NLRP2B: variants seen among roughly 807,000 people sequenced by gnomAD.
The protein encoded by NLRP2B is NLR family pyrin domain containing 2B, also known as NLR family pyrin domain-containing protein 2B.
For missense variants in NLRP2B, 25 were observed against 6.8 expected (o/e 3.70, Z -3.00); for synonymous variants, 16 against 3.5 (o/e 4.63, Z -4.03).
At position 57,678,453 on chromosome X, in the gene NLRP2B, C is replaced by T. The variant is rs1050536331; in HGVS notation, c.*1670G>A. On this transcript the variant is annotated 3_prime_UTR_variant, in exon 1 of 1. Transcript: ENST00000434992. ...ACTCGTACAGACAGCACAAGAGCTC[C>T]TTCGGGTTCATCATTGTTGAGTGTC... 7 of 518,184 alleles carry T rather than the reference C, an allele frequency of 1.4e-5. No individual in the cohort carries two copies. Among genetic ancestry groups the T allele is most frequent in the Admixed American group, 1.1e-4 (4 of 37,788 alleles). The allele number at this position is 518,184 out of a possible 1,213,427, so 42.7% of individuals were successfully genotyped here.
In NLRP2B at chrX:57,678,994, C is replaced by T. The variant is rs1033909530; in HGVS notation, c.*1129G>A. On this transcript the variant is annotated 3_prime_UTR_variant, in exon 1 of 1. Transcript: ENST00000434992. ...GCCGCAAAGGAAGCGCAGGAACAGC[C>T]CCGTGCGGGTGGGGCGGGTCCTTCC... 1 of 454,353 alleles carries T rather than the reference C, an allele frequency of 2.2e-6. No homozygotes were observed. The highest frequency in any genetic ancestry group is 3.8e-6 in the Non-Finnish European group (1 of 262,770). The allele number at this position is 454,353 out of a possible 1,213,427, so 37.4% of individuals were successfully genotyped here. A position where few individuals can be genotyped will look rare whatever the true frequency, so the allele number is the denominator to read the frequency against.
chrX:57,679,605 G>A lies in NLRP2B; in HGVS notation c.*518C>T, dbSNP rs753768860. ...CCAGCATTAATTTCTTGGCCAGCGT[G>A]GTTTTCCCAAGGCCCGCAGGACCAT... On this transcript the variant is annotated 3_prime_UTR_variant, in exon 1 of 1. Coordinates refer to ENST00000434992, the MANE Select transcript of NLRP2B (RefSeq NM_001319967.1). 54 of 500,022 alleles carry A rather than the reference G, an allele frequency of 1.1e-4. No homozygotes were observed. Among genetic ancestry groups the A allele is most frequent in the Non-Finnish European group, 1.1e-5 (3 of 281,968 alleles). The allele number at this position is 500,022 out of a possible 1,213,427, so 41.2% of individuals were successfully genotyped here. A position where few individuals can be genotyped will look rare whatever the true frequency, so the allele number is the denominator to read the frequency against.
Position 57,677,947 on chromosome X carries a change from G to A in NLRP2B, c.*2176C>T. 2 of 472,254 alleles carry A rather than the reference G, an allele frequency of 4.2e-6. No homozygotes were observed. Among genetic ancestry groups the A allele is most frequent in the Non-Finnish European group, 7.8e-6 (2 of 256,068 alleles). The allele number at this position is 472,254 out of a possible 1,213,427, so 38.9% of individuals were successfully genotyped here. On this transcript the variant is annotated 3_prime_UTR_variant, in exon 1 of 1. Coordinates refer to ENST00000434992, the MANE Select transcript of NLRP2B (RefSeq NM_001319967.1). ...GTGTCTCAAGACCTTACACAATGCA[G>A]GAAGCATATCATTCTGGTCATTGCC...
In NLRP2B at chrX:57,678,693, G is replaced by GTCC. The variant is rs916975790; in HGVS notation, c.*1427_*1429dup. 1.6e-4 allele frequency: 62 copies of GTCC among 398,463 alleles called. No homozygotes were observed. The highest frequency in any genetic ancestry group is 2.0e-4 in the Non-Finnish European group (44 of 216,485). 32.8% of individuals were successfully genotyped at this position (398,463 alleles called of 1,213,427 possible). On this transcript the variant is annotated 3_prime_UTR_variant, in exon 1 of 1. Coordinates refer to ENST00000434992, the MANE Select transcript of NLRP2B (RefSeq NM_001319967.1). The stretch of plus-strand genomic sequence containing the variant: ...CATTGTCCCAGGCGTGGCCGTCCTT[G>GTCC]TCCTCCTCCTCCTCCTCCTCCTCCT...
Position 57,680,089 on chromosome X carries a change from T to C in NLRP2B, c.*34A>G. On this transcript the variant is annotated 3_prime_UTR_variant, in exon 1 of 1. Transcript: ENST00000434992. ...TAGCTGTGGCAATGGCTGGTGATGA[T>C]TTCTGCCAGTTGCTTCCCATCAGCC... 3 of 448,243 alleles carry C rather than the reference T, an allele frequency of 6.7e-6. No homozygotes were observed. Among genetic ancestry groups the C allele is most frequent in the Non-Finnish European group, 8.0e-6 (2 of 250,368 alleles). The allele number at this position is 448,243 out of a possible 1,213,427, so 36.9% of individuals were successfully genotyped here.
In NLRP2B at chrX:57,677,749, G is replaced by C. The variant is rs2011720401; in HGVS notation, c.*2374C>G. ...CAACAACCTCGGCAGGAAGCATTTT[G>C]GGTGTCTCAAAGTTGTGTACAGCAA... On this transcript the variant is annotated 3_prime_UTR_variant, in exon 1 of 1. Transcript: ENST00000434992. 1 of 417,593 alleles carries C rather than the reference G, an allele frequency of 2.4e-6. No homozygotes were observed. The highest frequency in any genetic ancestry group is 2.4e-5 in the African/African-American group (1 of 40,980). 34.4% of individuals were successfully genotyped at this position (417,593 alleles called of 1,213,427 possible).
rs775935836 is a variant in NLRP2B, at chrX:57,677,789, C to T, written c.*2334G>A. On this transcript the variant is annotated 3_prime_UTR_variant, in exon 1 of 1. Transcript: ENST00000434992. ...GTGTACAGCAACTTGGCACCCTCAT[C>T]CAAGAGCTCATTGTGAGAGAGGTTT... is the stretch of plus-strand genomic sequence containing the variant. 4.5e-6 allele frequency: 2 copies of T among 440,188 alleles called. No individual in the cohort carries two copies. Among genetic ancestry groups the T allele is most frequent in the East Asian group, 5.4e-5 (1 of 18,354 alleles). 36.3% of individuals were successfully genotyped at this position (440,188 alleles called of 1,213,427 possible).
In NLRP2B at chrX:57,677,832, G is replaced by T. The variant is rs188986221; in HGVS notation, c.*2291C>A. Reference sequence around the variant, plus strand: ...AGAGGTTTACACATGTCAGGGACTGGTTGACTTCAAGGGCCAAGGAGAGAT... The same window carrying T: ...AGAGGTTTACACATGTCAGGGACTGTTTGACTTCAAGGGCCAAGGAGAGAT... On this transcript the variant is annotated 3_prime_UTR_variant, in exon 1 of 1. Transcript: ENST00000434992. 3.4e-5 allele frequency: 15 copies of T among 436,860 alleles called. 1 individual carries two copies. The Middle Eastern group carries it at 1.2e-3, about 35-fold the overall frequency. The allele number at this position is 436,860 out of a possible 1,213,427, so 36.0% of individuals were successfully genotyped here. A position where few individuals can be genotyped will look rare whatever the true frequency, so the allele number is the denominator to read the frequency against.
chrX:57,677,819 A>C lies in NLRP2B; in HGVS notation c.*2304T>G, dbSNP rs1602999108. ...AGCTCATTGTGAGAGAGGTTTACACATGTCAGGGACTGGTTGACTTCAAGG... is the reference window on the plus strand; with the variant it reads ...AGCTCATTGTGAGAGAGGTTTACACCTGTCAGGGACTGGTTGACTTCAAGG... On this transcript the variant is annotated 3_prime_UTR_variant, in exon 1 of 1. Transcript: ENST00000434992. The C allele has an allele frequency of 4.5e-6, 2 of 443,328 alleles. No homozygotes were observed. Among genetic ancestry groups the C allele is most frequent in the Admixed American group, 5.0e-5 (2 of 39,697 alleles). 36.5% of individuals were successfully genotyped at this position (443,328 alleles called of 1,213,427 possible).
Position 57,677,715 on chromosome X carries a change from G to T in NLRP2B, c.*2408C>A. The T allele has an allele frequency of 2.6e-6, 1 of 377,811 alleles. No individual in the cohort carries two copies. The highest frequency in any genetic ancestry group is 5.1e-6 in the Non-Finnish European group (1 of 196,933). The allele number at this position is 377,811 out of a possible 1,213,427, so 31.1% of individuals were successfully genotyped here. A position where few individuals can be genotyped will look rare whatever the true frequency, so the allele number is the denominator to read the frequency against. On this transcript the variant is annotated 3_prime_UTR_variant, in exon 1 of 1. Coordinates refer to ENST00000434992, the MANE Select transcript of NLRP2B (RefSeq NM_001319967.1). The stretch of plus-strand genomic sequence containing the variant: ...TGCAATTGCCTTCTATAAAGTGACA[G>T]TTTTCCAACAACAACCTCGGCAGGA...
Position 57,678,247 on chromosome X carries a change from T to C in NLRP2B, c.*1876A>G. The C allele has an allele frequency of 1.9e-6, 1 of 537,911 alleles. No homozygotes were observed. 44.3% of individuals were successfully genotyped at this position (537,911 alleles called of 1,213,427 possible). On this transcript the variant is annotated 3_prime_UTR_variant, in exon 1 of 1. Coordinates refer to ENST00000434992, the MANE Select transcript of NLRP2B (RefSeq NM_001319967.1). The stretch of plus-strand genomic sequence containing the variant: ...ATCCTGGGATCTCTCAACTTCAGCA[T>C]CTGATTCAGACACAGTGACATTCTC...
In NLRP2B at chrX:57,678,969, G is replaced by A; in HGVS notation, c.*1154C>T. On this transcript the variant is annotated 3_prime_UTR_variant, in exon 1 of 1. Transcript: ENST00000434992. ...AGAGCTGTGCGCCCTGCGGGAACCGGCCGCAAAGGAAGCGCAGGAACAGCC... is the reference window on the plus strand; with the variant it reads ...AGAGCTGTGCGCCCTGCGGGAACCGACCGCAAAGGAAGCGCAGGAACAGCC... The A allele has an allele frequency of 2.1e-6, 1 of 471,140 alleles. No individual in the cohort carries two copies. The highest frequency in any genetic ancestry group is 3.6e-6 in the Non-Finnish European group (1 of 279,707). The allele number at this position is 471,140 out of a possible 1,213,427, so 38.8% of individuals were successfully genotyped here. A position where few individuals can be genotyped will look rare whatever the true frequency, so the allele number is the denominator to read the frequency against.
rs765000621 is a variant in NLRP2B at position 57,679,518 on chromosome X, C to A, written c.*605G>T. 1.6e-5 allele frequency: 11 copies of A among 707,747 alleles called. No individual in the cohort carries two copies. The Admixed American group carries it at 2.3e-4, about 15-fold the overall frequency. 58.3% of individuals were successfully genotyped at this position (707,747 alleles called of 1,213,427 possible). On this transcript the variant is annotated 3_prime_UTR_variant, in exon 1 of 1. Coordinates refer to ENST00000434992, the MANE Select transcript of NLRP2B (RefSeq NM_001319967.1). ...AACTGCACGGGCCCAGGCAGATGAG[C>A]TCCTTGCAGGTGAGGTAGAAAGCCT...
rs2011716758 is a variant in NLRP2B, at chrX:57,677,552, C to T, written c.*2571G>A. 9.6e-6 allele frequency: 3 copies of T among 312,986 alleles called. No homozygotes were observed. The highest frequency in any genetic ancestry group is 3.8e-5 in the Admixed American group (1 of 26,332). The allele number at this position is 312,986 out of a possible 1,213,427, so 25.8% of individuals were successfully genotyped here. On this transcript the variant is annotated 3_prime_UTR_variant, in exon 1 of 1. Coordinates refer to ENST00000434992, the MANE Select transcript of NLRP2B (RefSeq NM_001319967.1). ...CTAGTTATGTCGCAGTCCCACAGCACCAGGGTCTGTAGTTTACAATGGGGG... is the reference window on the plus strand; with the variant it reads ...CTAGTTATGTCGCAGTCCCACAGCATCAGGGTCTGTAGTTTACAATGGGGG...
In NLRP2B at chrX:57,680,252, A is replaced by G. The variant is rs959470294; in HGVS notation, c.9T>C (p.Ser3=). 3 of 361,222 alleles carry G rather than the reference A, an allele frequency of 8.3e-6. No individual in the cohort carries two copies. The highest frequency in any genetic ancestry group is 1.5e-5 in the Non-Finnish European group (3 of 202,127). The allele number at this position is 361,222 out of a possible 1,213,427, so 29.8% of individuals were successfully genotyped here. MV[S]SAQLDFNLQA... ...GCAGGTTGAAGTCCAGCTGTGCAGA[A>G]GACACCATCTCGTCTGACGTGGGAA... Residue 3 remains serine (S), a synonymous_variant, in exon 1 of 1, where the codon TCT becomes TCC. Transcript: ENST00000434992.
Position 57,679,509 on chromosome X carries a change from G to A in NLRP2B, c.*614C>T, listed in dbSNP as rs767180728. On this transcript the variant is annotated 3_prime_UTR_variant, in exon 1 of 1. Coordinates refer to ENST00000434992, the MANE Select transcript of NLRP2B (RefSeq NM_001319967.1). ...GCTCTGCAAAACTGCACGGGCCCAG[G>A]CAGATGAGCTCCTTGCAGGTGAGGT... is the stretch of plus-strand genomic sequence containing the variant. 1.2e-4 allele frequency: 88 copies of A among 751,043 alleles called. No homozygotes were observed. Among genetic ancestry groups the A allele is most frequent in the Non-Finnish European group, 1.7e-4 (84 of 484,284 alleles). The allele number at this position is 751,043 out of a possible 1,213,427, so 61.9% of individuals were successfully genotyped here.
chrX:57,678,683 G>T lies in NLRP2B; in HGVS notation c.*1440C>A. The T allele has an allele frequency of 2.4e-6, 1 of 411,830 alleles. No homozygotes were observed. The highest frequency in any genetic ancestry group is 4.5e-6 in the Non-Finnish European group (1 of 223,500). The allele number at this position is 411,830 out of a possible 1,213,427, so 33.9% of individuals were successfully genotyped here. ...TGCACGTCTCCATTGTCCCAGGCGTGGCCGTCCTTGTCCTCCTCCTCCTCC... is the reference window on the plus strand; with the variant it reads ...TGCACGTCTCCATTGTCCCAGGCGTTGCCGTCCTTGTCCTCCTCCTCCTCC... On this transcript the variant is annotated 3_prime_UTR_variant, in exon 1 of 1. Coordinates refer to ENST00000434992, the MANE Select transcript of NLRP2B (RefSeq NM_001319967.1).
chrX:57,677,422 C>T lies in NLRP2B; in HGVS notation c.*2701G>A. The T allele has an allele frequency of 2.9e-6, 1 of 347,592 alleles. No individual in the cohort carries two copies. Among genetic ancestry groups the T allele is most frequent in the Admixed American group, 2.9e-5 (1 of 34,141 alleles). 28.6% of individuals were successfully genotyped at this position (347,592 alleles called of 1,213,427 possible). On this transcript the variant is annotated 3_prime_UTR_variant, in exon 1 of 1. Transcript: ENST00000434992. Reference sequence around the variant, plus strand: ...ACACAGTGGTTTCTTCAAAGCCTCACATAGGAGCTTCACTCCAGTAACTCC... The same window carrying T: ...ACACAGTGGTTTCTTCAAAGCCTCATATAGGAGCTTCACTCCAGTAACTCC...
chrX:57,678,986 G>A lies in NLRP2B; in HGVS notation c.*1137C>T. 2.2e-6 allele frequency: 1 copy of A among 453,647 alleles called. No homozygotes were observed. The allele number at this position is 453,647 out of a possible 1,213,427, so 37.4% of individuals were successfully genotyped here. ...GGGAACCGGCCGCAAAGGAAGCGCA[G>A]GAACAGCCCCGTGCGGGTGGGGCGG... On this transcript the variant is annotated 3_prime_UTR_variant, in exon 1 of 1. Coordinates refer to ENST00000434992, the MANE Select transcript of NLRP2B (RefSeq NM_001319967.1).
Sources: allele counts gnomAD v4.1 joint callset, GRCh38; gene constraint gnomAD v4.1.1; transcripts MANE v1.5; gene names NCBI Gene and HGNC (gene_info 2026-07-23, HGNC 2026-07-21).